The following ATP2A2 variants were observed in gnomAD, a reference collection of about 807,000 sequenced individuals.
ATP2A2 encodes the protein sarcoplasmic/endoplasmic reticulum calcium ATPase 2.
Under a neutral mutation model 109.3 loss-of-function variants are expected in ATP2A2, and 14 were observed. That is an observed-to-expected ratio of 0.13 (90% CI 0.08 to 0.20). The LOEUF (loss-of-function observed/expected upper bound fraction) is 0.20, where lower values mean the gene tolerates loss of function less well. Ranked by LOEUF, ATP2A2 falls within the 10% of genes least tolerant of loss-of-function variation. ATP2A2 has a pLI of 1.00. For missense variants in ATP2A2, 657 were observed against 1,321.6 expected, an observed-to-expected ratio of 0.50 and a Z score of 7.80; for synonymous variants, 506 against 490.9, an observed-to-expected ratio of 1.03 and a Z score of -0.41.
Position 110,311,611 on chromosome 12 carries a change from A to C in ATP2A2, c.464-11381A>C, listed in dbSNP as rs867892947. Among the ~76,000 whole-genome samples the C allele has an allele frequency of 5.6e-3, 840 of 150,038 alleles. 6 individuals carry two copies. Among genetic ancestry groups the C allele is most frequent in the Non-Finnish European group, 8.7e-3 (585 of 67,428 alleles). On this transcript the variant is annotated intron_variant, in intron 5 of 19. Transcript: ENST00000539276. Reference sequence around the variant, plus strand: ...ACTCCATCTCAAAAAAAAAAAAAAAAAAAAAAAAAAACGCTGGGATTATAA... The same window carrying C: ...ACTCCATCTCAAAAAAAAAAAAAAACAAAAAAAAAAACGCTGGGATTATAA...
intron 1 of ATP2A2, among the ~76,000 whole-genome samples, chr12:110,282,201 G>A (rs953796405): frequency 5.3e-5 from 8 of 152,236 alleles, no homozygotes; most frequent in Non-Finnish European, 8.8e-5. Context: ...CTGCAGCTAG[G>A]TTGAGCCCGG....
Position 110,348,619 on chromosome 12 carries a change from C to A in ATP2A2, c.*2149C>A. On this transcript the variant is annotated 3_prime_UTR_variant, in exon 20 of 20. Transcript: ENST00000539276. ...TGGTGGCTCATGCCTGTAAGTAAGT[C>A]TCAGCCCTTTGGAGGCCACAGCAGA... is the stretch of plus-strand genomic sequence containing the variant. The A allele has an allele frequency of 5.1e-6, 5 of 985,408 alleles. No individual in the cohort carries two copies. Among genetic ancestry groups the A allele is most frequent in the Non-Finnish European group, 6.0e-6 (5 of 829,966 alleles). The allele number at this position is 985,408 out of a possible 1,614,324, so 61.0% of individuals were successfully genotyped here.
rs562069416 is a variant in ATP2A2, at chr12:110,347,163, A to G, written c.*693A>G. 1 of 1,187,144 alleles carries G rather than the reference A, an allele frequency of 8.4e-7. No homozygotes were observed. The highest frequency in any genetic ancestry group is 1.6e-5 in the South Asian group (1 of 62,138). The allele number at this position is 1,187,144 out of a possible 1,614,324, so 73.5% of individuals were successfully genotyped here. Reference sequence around the variant, plus strand: ...GTGCAGAAAACATTGTTCCAGATTCAATCGACTGGGTTTATGTCCCTTCAC... The same window carrying G: ...GTGCAGAAAACATTGTTCCAGATTCGATCGACTGGGTTTATGTCCCTTCAC... On this transcript the variant is annotated 3_prime_UTR_variant, in exon 20 of 20. Coordinates refer to ENST00000539276, the MANE Select transcript of ATP2A2 (RefSeq NM_170665.4).
At chr12:110,320,982 A>G (rs1187903273) in intron 5 of ATP2A2, among the ~76,000 whole-genome samples, 1 of 152,222 alleles carries the variant, frequency 6.6e-6, no homozygotes, top group Admixed American at 6.5e-5. Flanking sequence ...TAATCTCAGC[A>G]TTTTGGGAGG....
intron 3 of ATP2A2, among the ~76,000 whole-genome samples, chr12:110,286,402 G>A (rs1247843298): frequency 6.6e-6 from 1 of 152,052 alleles, no homozygotes; most frequent in Admixed American, 6.6e-5. Context: ...TTTAAAAATG[G>A]GATAAGAAGG....
At chr12:110,297,609 TTTTTGTTTTG>T (rs900728907) in intron 5 of ATP2A2, among the ~76,000 whole-genome samples, 1 of 151,748 alleles carries the variant, frequency 6.6e-6, no homozygotes, top group Non-Finnish European at 1.5e-5. Flanking sequence ...TAGTGCTGTT[TTTTTGTTTTG>T]TTTTGTTTTG....
chr12:110,345,886 G>C, intron 18 of ATP2A2, 115 bp from the exon 19 acceptor site: 1 of 1,027,818 alleles, frequency 9.7e-7, no homozygotes. Flanking sequence ...TAGGTCAGCG[G>C]ATGGTGCCAC....
intron 4 of ATP2A2, chr12:110,296,055 G>A (rs1038087958): frequency 1.2e-5 from 2 of 161,778 alleles, no homozygotes; most frequent in Admixed American, 5.9e-5. Context: ...GCTGTTAAGA[G>A]CCTGTATTGA....
chr12:110,293,862 G>A (rs796841936), intron 4 of ATP2A2, among the ~76,000 whole-genome samples: 9,670 of 122,774 alleles, frequency 0.079, 452 homozygotes, highest in Middle Eastern at 0.1. Flanking sequence ...GTGTGTGTGT[G>A]TGTATATATT....
intron 3 of ATP2A2, 30 bp downstream of exon 3, chr12:110,282,825 C>G (rs1872282553): frequency 3.2e-6 from 5 of 1,556,060 alleles, no homozygotes; most frequent in Non-Finnish European, 4.4e-6. Flanking sequence ...TTTTCTTTCC[C>G]CCCAAAAGCT....
intron 4 of ATP2A2, among the ~76,000 whole-genome samples, chr12:110,293,877 T>C (rs1323338958): frequency 7.2e-6 from 1 of 138,128 alleles, no homozygotes; most frequent in African/African-American, 2.7e-5. Context: ...TATATTTTTT[T>C]TTTTTTTTTT....
At chr12:110,296,476 C>A in intron 4 of ATP2A2, 123 bp from the exon 5 acceptor site, 1 of 1,295,636 alleles carries the variant, frequency 7.7e-7, no homozygotes, top group Non-Finnish European at 1.1e-6. Flanking sequence ...TTGTTTAGTA[C>A]AAATGTTACT....
At chr12:110,286,515 A>G (rs1323947033) in intron 3 of ATP2A2, among the ~76,000 whole-genome samples, 1 of 152,186 alleles carries the variant, frequency 6.6e-6, no homozygotes, top group Non-Finnish European at 1.5e-5. Flanking sequence ...TTGTTTTCTC[A>G]TGCCTGAAAG....
rs761449131 is a variant in ATP2A2 at position 110,328,029 on chromosome 12, A to G, written c.1095+12A>G. On this transcript the variant is annotated intron_variant, in intron 8 of 19. Coordinates refer to ENST00000539276, the MANE Select transcript of ATP2A2 (RefSeq NM_170665.4). ...TGTCAGTCTGCAGGGTAAGAGGAGT[A>G]ATTTAGAATATTCCGTGTCGTGGTT... The G allele has an allele frequency of 3.1e-6, 5 of 1,608,134 alleles. No homozygotes were observed. The highest frequency in any genetic ancestry group is 3.3e-5 in the Admixed American group (2 of 59,988).
chr12:110,349,846 C>T lies in ATP2A2; in HGVS notation c.*3376C>T. 1 of 1,050,110 alleles carries T rather than the reference C, an allele frequency of 9.5e-7. No individual in the cohort carries two copies. The highest frequency in any genetic ancestry group is 1.2e-6 in the Non-Finnish European group (1 of 869,036). The allele number at this position is 1,050,110 out of a possible 1,614,324, so 65.0% of individuals were successfully genotyped here. On this transcript the variant is annotated 3_prime_UTR_variant, in exon 20 of 20. Transcript: ENST00000539276. ...GGAGAATGATGCGGAGGAGTTTCCTCTCCAGGGCTAGGCAAGGCAGGCGAG... is the reference window on the plus strand; with the variant it reads ...GGAGAATGATGCGGAGGAGTTTCCTTTCCAGGGCTAGGCAAGGCAGGCGAG...
At chr12:110,315,813 C>T (rs1049252841) in intron 5 of ATP2A2, among the ~76,000 whole-genome samples, 10 of 152,222 alleles carry the variant, frequency 6.6e-5, no homozygotes, top group Admixed American at 3.3e-4. Flanking sequence ...CATCGGCACA[C>T]GCCTGTAGTC....
chr12:110,314,329 A>C (rs1876423595), intron 5 of ATP2A2, among the ~76,000 whole-genome samples: 1 of 115,442 alleles, frequency 8.7e-6, no homozygotes, highest in Non-Finnish European at 1.7e-5. Context: ...ACTCTGTCTC[A>C]AAAAAAGAAA....
intron 5 of ATP2A2, among the ~76,000 whole-genome samples, chr12:110,322,497 C>T (rs1877346194): frequency 6.6e-6 from 1 of 151,784 alleles, no homozygotes; most frequent in African/African-American, 2.4e-5. Flanking sequence ...AGTGGTGTTA[C>T]TGTGTAGTTT....
chr12:110,292,287 GAC>G (rs754099695), intron 4 of ATP2A2, among the ~76,000 whole-genome samples, 163 bp downstream of exon 4: 3 of 151,948 alleles, frequency 2.0e-5, no homozygotes, highest in Admixed American at 6.6e-5. Flanking sequence ...ATTGTTTTCT[GAC>G]ACAGTCTCAC....
Sources: allele counts gnomAD v4.1 joint callset (sites outside exome capture counted in the v4.1 genomes callset), GRCh38; gene constraint gnomAD v4.1.1; transcripts MANE v1.5; gene names NCBI Gene and HGNC (gene_info 2026-07-23, HGNC 2026-07-21).